NDUFAF2: variants seen among roughly 807,000 people sequenced by gnomAD.
The protein encoded by NDUFAF2 is NADH dehydrogenase [ubiquinone] 1 alpha subcomplex assembly factor 2.
In NDUFAF2, 13 loss-of-function variants were observed where a neutral mutation model predicts 22.8. The observed-to-expected ratio is 0.57, with a 90% CI of 0.37 to 0.91. The LOEUF (loss-of-function observed/expected upper bound fraction) is 0.91. NDUFAF2 is among the 40% of genes least tolerant of loss of function. NDUFAF2 has a pLI of 0.01. For synonymous variants in NDUFAF2, 53 were observed against 64.2 expected (o/e 0.83, Z 0.84); for missense variants, 162 against 195.2 (o/e 0.83, Z 1.01).
chr5:61,097,560 A>G (rs998772190), intron 2 of NDUFAF2, among the ~76,000 whole-genome samples: 4 of 152,244 alleles, frequency 2.6e-5, no homozygotes, highest in Admixed American at 2.6e-4. Flanking sequence ...AGCTGGTCAC[A>G]AGAGATAGTG....
intron 3 of NDUFAF2, chr5:61,146,498 C>G (rs1741140489): frequency 6.6e-6 from 1 of 152,090 alleles, no homozygotes; most frequent in Non-Finnish European, 1.5e-5. Context: ...TGAAAATGTT[C>G]TTATAATACC....
chr5:61,139,486 A>T (rs1741018515), intron 3 of NDUFAF2, among the ~76,000 whole-genome samples: 1 of 152,274 alleles, frequency 6.6e-6, no homozygotes, highest in Non-Finnish European at 1.5e-5. Context: ...GAAGCATTTC[A>T]GTGTTCTGAA....
chr5:60,965,536 C>G (rs1337947590), intron 1 of NDUFAF2, among the ~76,000 whole-genome samples: 1 of 152,110 alleles, frequency 6.6e-6, no homozygotes, highest in East Asian at 1.9e-4. Flanking sequence ...CCCACCCCAG[C>G]CCCTGGCAAC....
At position 61,086,948 on chromosome 5, in the gene NDUFAF2, A is replaced by T. The variant is rs1023211305; in HGVS notation, c.218-12044A>T. Among the ~76,000 whole-genome samples the T allele has an allele frequency of 3.9e-5, 6 of 152,308 alleles. No homozygotes were observed. In the East Asian group the frequency reaches 1.2e-3, roughly 29 times the overall value. On this transcript the variant is annotated intron_variant, in intron 2 of 3. Transcript: ENST00000296597. ...GAGAAACATTAATTTTAAAATGGACAAAAGGTATAAACAGACACTTTACCA... is the reference window on the plus strand; with the variant it reads ...GAGAAACATTAATTTTAAAATGGACTAAAGGTATAAACAGACACTTTACCA...
intron 1 of NDUFAF2, among the ~76,000 whole-genome samples, chr5:61,044,359 G>A (rs935856612): frequency 6.6e-6 from 1 of 151,994 alleles, no homozygotes; most frequent in African/African-American, 2.4e-5. Context: ...TTAGTTCAAT[G>A]TAATTCCACT....
rs200674539 is a variant in NDUFAF2, at chr5:60,973,088, T to C, written c.127+27706T>C. The stretch of plus-strand genomic sequence containing the variant: ...TAATACATAGTATATAACATATAAT[T>C]AGGTTGTCTTGCACTCTGATCCTTG... On this transcript the variant is annotated intron_variant, in intron 1 of 3. Transcript: ENST00000296597. Among the ~76,000 whole-genome samples, 7 of 152,232 alleles carry C rather than the reference T, an allele frequency of 4.6e-5. No individual in the cohort carries two copies. The East Asian group carries it at 1.4e-3, about 29-fold the overall frequency.
At chr5:61,074,326 T>C (rs1752339313) in intron 2 of NDUFAF2, among the ~76,000 whole-genome samples, 1 of 152,026 alleles carries the variant, frequency 6.6e-6, no homozygotes, top group Non-Finnish European at 1.5e-5. Flanking sequence ...TGGTGGCTCA[T>C]GCCTGTAATC....
rs2111731816 is a variant in NDUFAF2 at position 61,073,042 on chromosome 5, G to A, written c.128-83G>A. 4 of 840,676 alleles carry A rather than the reference G, an allele frequency of 4.8e-6. No individual in the cohort carries two copies. In the South Asian group the frequency reaches 5.4e-5, roughly 11 times the overall value. The allele number at this position is 840,676 out of a possible 1,614,324, so 52.1% of individuals were successfully genotyped here. On this transcript the variant is annotated intron_variant, in intron 1 of 3. Coordinates refer to ENST00000296597, the MANE Select transcript of NDUFAF2 (RefSeq NM_174889.5). ...ATTTAATTCTTTTACTATATAAGGG[G>A]TTATGCAATATTCAAAGATTAATTG...
chr5:61,141,664 A>AAATGAATG (rs70977828), intron 3 of NDUFAF2, among the ~76,000 whole-genome samples: 10,867 of 151,124 alleles, frequency 0.072, 490 homozygotes, highest in South Asian at 0.16. Context: ...AGTATATATT[A>AAATGAATG]AATGAATGAA....
intron 1 of NDUFAF2, among the ~76,000 whole-genome samples, chr5:60,985,522 G>T (rs1751061072): frequency 6.6e-6 from 1 of 152,044 alleles, no homozygotes; most frequent in Non-Finnish European, 1.5e-5. Flanking sequence ...GCTTTCTCTT[G>T]TGGGCATCTA....
At chr5:61,047,424 A>T (rs1168850870) in intron 1 of NDUFAF2, among the ~76,000 whole-genome samples, 3 of 152,102 alleles carry the variant, frequency 2.0e-5, no homozygotes, top group Admixed American at 6.6e-5. Context: ...GAAAAAAAAA[A>T]AGTTTAAGTT....
intron 1 of NDUFAF2, among the ~76,000 whole-genome samples, chr5:61,036,547 A>G (rs1354475103): frequency 1.3e-5 from 2 of 152,232 alleles, no homozygotes; most frequent in African/African-American, 4.8e-5. Context: ...AACAGATGGC[A>G]CATTCAAATT....
intron 1 of NDUFAF2, among the ~76,000 whole-genome samples, chr5:61,033,199 C>CT (rs1463812994): frequency 6.6e-6 from 1 of 152,224 alleles, no homozygotes; most frequent in South Asian, 2.1e-4. Flanking sequence ...ATTTGGCTCT[C>CT]TGTTTGTCTA....
chr5:61,020,006 T>TAA (rs1184332198), intron 1 of NDUFAF2, among the ~76,000 whole-genome samples: 1 of 152,188 alleles, frequency 6.6e-6, no homozygotes, highest in Admixed American at 6.5e-5. Context: ...TAGCAGATTC[T>TAA]ATTTAGTTTC....
intron 1 of NDUFAF2, among the ~76,000 whole-genome samples, chr5:60,961,932 G>T (rs1175287153): frequency 6.6e-6 from 1 of 151,288 alleles, no homozygotes; most frequent in African/African-American, 2.4e-5. Flanking sequence ...CTGCACTCCA[G>T]CCTGAGTGAC....
intron 1 of NDUFAF2, among the ~76,000 whole-genome samples, chr5:61,071,510 C>T (rs1752299369): frequency 6.6e-6 from 1 of 152,184 alleles, no homozygotes; most frequent in South Asian, 2.1e-4. Flanking sequence ...CCAGGAGTTT[C>T]CTGTCCACAC....
chr5:61,070,323 T>C (rs1752279447), intron 1 of NDUFAF2, among the ~76,000 whole-genome samples: 1 of 152,108 alleles, frequency 6.6e-6, no homozygotes, highest in Non-Finnish European at 1.5e-5. Flanking sequence ...AATTCCTTAC[T>C]CAGTGGGAGG....
intron 3 of NDUFAF2, among the ~76,000 whole-genome samples, chr5:61,127,052 C>T (rs1205483929): frequency 6.6e-6 from 1 of 152,116 alleles, no homozygotes. Context: ...TGGATAAATG[C>T]CTCAACACAT....
At chr5:60,972,534 T>C (rs1750848651) in intron 1 of NDUFAF2, among the ~76,000 whole-genome samples, 1 of 152,146 alleles carries the variant, frequency 6.6e-6, no homozygotes, top group South Asian at 2.1e-4. Context: ...TTCTGAGGCC[T>C]CCCAGGTATG....
Sources: allele counts gnomAD v4.1 joint callset (sites outside exome capture counted in the v4.1 genomes callset), GRCh38; gene constraint gnomAD v4.1.1; transcripts MANE v1.5; gene names NCBI Gene and HGNC (gene_info 2026-07-23, HGNC 2026-07-21).